Variants in TMC1 observed in about 807,000 individuals in gnomAD.
The protein encoded by TMC1 is transmembrane channel like 1.
A neutral mutation model predicts 105.8 loss-of-function variants in TMC1; 84 were observed. That is an observed-to-expected ratio of 0.79 (90% confidence interval 0.67 to 0.95). The LOEUF (loss-of-function observed/expected upper bound fraction) is 0.95, where lower values mean the gene tolerates loss of function less well. Among genes scored for constraint, TMC1 ranks in the 40% least tolerant of loss-of-function variants. The probability of loss-of-function intolerance (pLI) is 0.00; values close to 1 mark genes in which losing one functional copy is unlikely to be tolerated. For synonymous variants in TMC1, 315 were observed against 311.5 expected (o/e 1.01, Z -0.12); for missense variants, 817 against 914.1 (o/e 0.89, Z 1.37).
intron 8 of TMC1, among the ~76,000 whole-genome samples, chr9:72,734,712 C>G (rs939605286): frequency 3.3e-5 from 5 of 152,088 alleles, no homozygotes; most frequent in Non-Finnish European, 2.9e-5. Context: ...TTCTTCTGGT[C>G]CCTTCACTGG....
At chr9:72,574,187 G>A (rs1440685560) in intron 1 of TMC1, among the ~76,000 whole-genome samples, 1 of 152,202 alleles carries the variant, frequency 6.6e-6, no homozygotes, top group Non-Finnish European at 1.5e-5. Flanking sequence ...GCTCCATATG[G>A]ATATTCTTTG....
chr9:72,706,033 C>T (rs551533291), intron 8 of TMC1, among the ~76,000 whole-genome samples: 18 of 152,328 alleles, frequency 1.2e-4, no homozygotes, highest in African/African-American at 4.3e-4. Flanking sequence ...CTCAATCTCC[C>T]TTGATCTTTT....
chr9:72,814,114 C>A (rs2118276297), intron 18 of TMC1, among the ~76,000 whole-genome samples: 1 of 152,308 alleles, frequency 6.6e-6, no homozygotes, highest in East Asian at 1.9e-4. Flanking sequence ...GTTGAGTTTT[C>A]TCCACGTTCA....
intron 4 of TMC1, among the ~76,000 whole-genome samples, chr9:72,629,556 G>C (rs973875425): frequency 1.1e-4 from 17 of 152,172 alleles, no homozygotes; most frequent in Admixed American, 6.5e-4. Context: ...GTACTACTGG[G>C]GCCTGACAAA....
At chr9:72,544,367 C>T (rs564550062) in intron 1 of TMC1, among the ~76,000 whole-genome samples, 1 of 151,788 alleles carries the variant, frequency 6.6e-6, no homozygotes, top group Middle Eastern at 3.4e-3. Flanking sequence ...ATGTTTGTCT[C>T]ATCTTAATTC....
At chr9:72,748,349 A>G (rs746795801) in intron 10 of TMC1, among the ~76,000 whole-genome samples, 6 of 152,196 alleles carry the variant, frequency 3.9e-5, no homozygotes, top group Non-Finnish European at 8.8e-5. Context: ...GTGATTCACT[A>G]AATGTTACCT....
chr9:72,572,399 T>G (rs149542690), intron 1 of TMC1, among the ~76,000 whole-genome samples: 30 of 152,238 alleles, frequency 2.0e-4, no homozygotes, highest in Non-Finnish European at 3.7e-4. Flanking sequence ...TTTGTCATAT[T>G]GGCCAGGCTG....
At chr9:72,636,514 T>C (rs1156328982) in intron 4 of TMC1, among the ~76,000 whole-genome samples, 1 of 151,872 alleles carries the variant, frequency 6.6e-6, no homozygotes, top group Non-Finnish European at 1.5e-5. Flanking sequence ...CTGGCCACCA[T>C]GGTGAAACCC....
intron 2 of TMC1, among the ~76,000 whole-genome samples, chr9:72,588,999 A>G (rs1564429149): frequency 6.6e-6 from 1 of 151,976 alleles, no homozygotes; most frequent in Non-Finnish European, 1.5e-5. Flanking sequence ...TGAACTCCCA[A>G]CCTCAGGTGA....
intron 1 of TMC1, among the ~76,000 whole-genome samples, chr9:72,538,757 C>T (rs1435401716): frequency 6.6e-6 from 1 of 152,088 alleles, no homozygotes; most frequent in Non-Finnish European, 1.5e-5. Context: ...CAATAAAATA[C>T]TTTTATTTCC....
At chr9:72,566,110 G>A (rs1377626598) in intron 1 of TMC1, among the ~76,000 whole-genome samples, 1 of 152,222 alleles carries the variant, frequency 6.6e-6, no homozygotes, top group Non-Finnish European at 1.5e-5. Flanking sequence ...GCTCATTGCA[G>A]CCTCTAATTC....
At chr9:72,728,850 G>T (rs1221101611) in intron 8 of TMC1, among the ~76,000 whole-genome samples, 1 of 151,820 alleles carries the variant, frequency 6.6e-6, no homozygotes, top group African/African-American at 2.4e-5. Context: ...GTTTTAATCA[G>T]CAGGTAGAAA....
chr9:72,551,919 A>G (rs1009508537), intron 1 of TMC1, among the ~76,000 whole-genome samples: 5 of 152,134 alleles, frequency 3.3e-5, no homozygotes, highest in Non-Finnish European at 5.9e-5. Context: ...TGCCGGCAAT[A>G]TCAGAAACTA....
intron 1 of TMC1, among the ~76,000 whole-genome samples, chr9:72,550,485 C>T (rs544809042): frequency 1.3e-5 from 2 of 151,290 alleles, no homozygotes; most frequent in African/African-American, 2.4e-5. Context: ...GGTAAAACCC[C>T]GTTTCTACTA....
intron 1 of TMC1, among the ~76,000 whole-genome samples, chr9:72,534,909 G>A (rs1823553584): frequency 6.6e-6 from 1 of 152,152 alleles, no homozygotes; most frequent in Admixed American, 6.6e-5. Context: ...CAAATAAAAA[G>A]ACTACTTTTT....
At chr9:72,604,099 T>C (rs1204196868) in intron 2 of TMC1, among the ~76,000 whole-genome samples, 1 of 152,096 alleles carries the variant, frequency 6.6e-6, no homozygotes, top group Non-Finnish European at 1.5e-5. Flanking sequence ...AACACTGTTA[T>C]CTTCTCAGAT....
intron 5 of TMC1, among the ~76,000 whole-genome samples, chr9:72,679,308 T>C (rs1044915823): frequency 1.3e-5 from 2 of 152,106 alleles, no homozygotes; most frequent in Non-Finnish European, 2.9e-5. Flanking sequence ...TCTTTTTCTC[T>C]AGACCTTTAT....
chr9:72,756,589 C>T (rs969183624), intron 12 of TMC1, among the ~76,000 whole-genome samples: 11 of 152,144 alleles, frequency 7.2e-5, no homozygotes, highest in African/African-American at 2.7e-4. Context: ...TTTAATTTCT[C>T]ATTCTCTTCC....
intron 1 of TMC1, among the ~76,000 whole-genome samples, chr9:72,575,905 G>A (rs1824371455): frequency 1.1e-5 from 1 of 93,782 alleles, no homozygotes; most frequent in African/African-American, 5.8e-5. Flanking sequence ...TTGAAACTGG[G>A]CTCACACACA....
Sources: gnomAD v4.1 joint callset for allele counts (sites outside exome capture counted in the v4.1 genomes callset) on GRCh38, gnomAD v4.1.1 for gene constraint, MANE v1.5 for transcripts, NCBI Gene and HGNC (gene_info 2026-07-23, HGNC 2026-07-21) for gene names.